The following PLCXD1 variants were observed in gnomAD, a reference collection of about 807,000 sequenced individuals.
The protein encoded by PLCXD1 is phosphatidylinositol specific phospholipase C X domain containing 1, also known as PI-PLC X domain-containing protein 1.
Under a neutral mutation model 37.8 loss-of-function variants are expected in PLCXD1, and 45 were observed. The observed-to-expected ratio is 1.19, with a 90% CI of 0.94 to 1.53. The LOEUF (loss-of-function observed/expected upper bound fraction) is 1.53, where lower values mean the gene tolerates loss of function less well. Among genes scored for constraint, PLCXD1 ranks in the 40% most tolerant of loss-of-function variants. PLCXD1 has a pLI of 0.00. For missense variants in PLCXD1, 539 were observed against 454.7 expected (o/e 1.19, Z -1.69); for synonymous variants, 246 against 206.9 (o/e 1.19, Z -1.62).
upstream of PLCXD1, among the ~76,000 whole-genome samples, chrX:279,918 C>T (rs183123089): frequency 0.025 from 3,836 of 152,112 alleles, 96 homozygotes; most frequent in Non-Finnish European, 0.034. Flanking sequence ...GGCGCGATCT[C>T]GGCTCACTGC....
At chrX:283,702 G>C (rs2069354259) in intron 1 of PLCXD1, 1 of 145,340 alleles carries the variant, frequency 6.9e-6, no homozygotes, top group Admixed American at 6.9e-5. Flanking sequence ...GTGGGGGCGA[G>C]GGCAAGAGGG....
rs1226014127 is a variant in PLCXD1, at chrX:303,353, CA to C, written c.*4021del. On this transcript the variant is annotated 3_prime_UTR_variant, in exon 7 of 7. Coordinates refer to ENST00000381657, the MANE Select transcript of PLCXD1 (RefSeq NM_018390.4). ...TTAAATAAATGAACATCATTAAAGT[CA>C]AATATGAGTATGAATTTTATTACCA... 1 of 152,116 alleles carries C rather than the reference CA, an allele frequency of 6.6e-6. No individual in the cohort carries two copies. The highest frequency in any genetic ancestry group is 2.4e-5 in the African/African-American group (1 of 41,434). The allele number at this position is 152,116 out of a possible 1,614,324, so 9.4% of individuals were successfully genotyped here.
At chrX:279,156 G>A (rs1273535150), upstream of PLCXD1, among the ~76,000 whole-genome samples, 2 of 152,182 alleles carry the variant, frequency 1.3e-5, no homozygotes, top group Non-Finnish European at 2.9e-5. Flanking sequence ...TCCAGAGGAC[G>A]AACGGCACAA....
In PLCXD1 at chrX:290,780, C is replaced by T. The variant is rs200849365; in HGVS notation, c.393+4C>T. ...GTACACAACGGCGCTGGTGGAGGTG[C>T]GGCCGGGCTGAGGTGGGACGCAATG... On this transcript the variant is annotated splice_donor_region_variant and intron_variant, in intron 4 of 6. Coordinates refer to ENST00000381657, the MANE Select transcript of PLCXD1 (RefSeq NM_018390.4). 4.0e-5 allele frequency: 64 copies of T among 1,611,876 alleles called. No individual in the cohort carries two copies. The highest frequency in any genetic ancestry group is 8.9e-5 in the East Asian group (4 of 44,760).
chrX:291,496 C>A lies in PLCXD1; in HGVS notation c.394-3C>A. On this transcript the variant is annotated splice_region_variant and splice_polypyrimidine_tract_variant and intron_variant, in intron 4 of 6. Coordinates refer to ENST00000381657, the MANE Select transcript of PLCXD1 (RefSeq NM_018390.4). ...GGACTCAGCCCAGCACCCCCCTCCC[C>A]AGGACACACTCACGGAAATCTCGGA... 1 of 1,612,368 alleles carries A rather than the reference C, an allele frequency of 6.2e-7. No homozygotes were observed. Among genetic ancestry groups the A allele is most frequent in the South Asian group, 1.1e-5 (1 of 90,990 alleles).
At chrX:285,020 G>C (rs1273344546) in intron 2 of PLCXD1, among the ~76,000 whole-genome samples, 1 of 152,116 alleles carries the variant, frequency 6.6e-6, no homozygotes, top group Non-Finnish European at 1.5e-5. Context: ...TACAATTCAA[G>C]ATGAGATTTG....
intron 3 of PLCXD1, among the ~76,000 whole-genome samples, chrX:289,457 A>G (rs2069558012): frequency 6.6e-6 from 1 of 150,456 alleles, no homozygotes; most frequent in Non-Finnish European, 1.5e-5. Context: ...CTGCAGAGGG[A>G]GAGGGTCTCG....
intron 2 of PLCXD1, 78 bp from the exon 3 acceptor site, chrX:288,655 G>A: frequency 1.3e-6 from 2 of 1,486,014 alleles, no homozygotes; most frequent in Non-Finnish European, 9.4e-7. Context: ...TGTGCTGTAG[G>A]CGGGCTGTGG....
chrX:278,197 A>AG (rs774859263), upstream of PLCXD1, among the ~76,000 whole-genome samples: 1,130 of 87,064 alleles, frequency 0.013, 28 homozygotes, highest in African/African-American at 0.041. Flanking sequence ...TGGGGACAGG[A>AG]GGGGACACCC....
intron 6 of PLCXD1, among the ~76,000 whole-genome samples, chrX:294,283 C>T (rs1186872143): frequency 3.9e-5 from 6 of 152,002 alleles, no homozygotes; most frequent in Non-Finnish European, 4.4e-5. Context: ...GAGATCGAGA[C>T]CATCCCGGCT....
chrX:294,376 G>A (rs762571401), intron 6 of PLCXD1, among the ~76,000 whole-genome samples: 5 of 152,134 alleles, frequency 3.3e-5, no homozygotes, highest in East Asian at 1.9e-4. Flanking sequence ...CAGCTACTCC[G>A]GAGGCTGAGG....
At chrX:290,598 C>T (rs760624345) in intron 3 of PLCXD1, 50 bp from the exon 4 acceptor site, 41 of 1,605,862 alleles carry the variant, frequency 2.6e-5, no homozygotes, top group Non-Finnish European at 3.1e-5. Context: ...CCTGAGCCCC[C>T]CAGACGCGGC....
intron 6 of PLCXD1, among the ~76,000 whole-genome samples, chrX:296,177 A>G (rs755404938): frequency 1.1e-4 from 16 of 150,780 alleles, no homozygotes; most frequent in East Asian, 7.9e-4. Context: ...CTGGAGTGCA[A>G]TGGCGTGATC....
Position 299,442 on chromosome X carries a change from T to C in PLCXD1, c.*107T>C, listed in dbSNP as rs1269646719. The C allele has an allele frequency of 1.2e-6, 1 of 833,994 alleles. No individual in the cohort carries two copies. The highest frequency in any genetic ancestry group is 2.0e-6 in the Non-Finnish European group (1 of 491,026). 51.7% of individuals were successfully genotyped at this position (833,994 alleles called of 1,614,324 possible). On this transcript the variant is annotated 3_prime_UTR_variant, in exon 7 of 7. Coordinates refer to ENST00000381657, the MANE Select transcript of PLCXD1 (RefSeq NM_018390.4). The stretch of plus-strand genomic sequence containing the variant: ...ATGTTGGTGATCATAGGACCGATGA[T>C]AATACGTTTTCATTTTCTTTAAAAT...
Position 299,175 on chromosome X carries a change from A to T in PLCXD1, c.812A>T (p.Lys271Met), listed in dbSNP as rs1180244924. ...VLAHPSESLE[K>M]MTLPNLPRLS... Reference sequence around the variant, plus strand: ...GCGCACCCGTCCGAGTCCCTGGAGAAGATGACGCTGCCCAACCTTCCGCGG... The same window carrying T: ...GCGCACCCGTCCGAGTCCCTGGAGATGATGACGCTGCCCAACCTTCCGCGG... The change falls in exon 7 of 7, where the codon AAG (lysine) becomes ATG (methionine). Residue 271 changes from lysine (K) to methionine (M), a missense_variant. Coordinates refer to ENST00000381657, the MANE Select transcript of PLCXD1 (RefSeq NM_018390.4). 27 of 1,613,820 alleles carry T rather than the reference A, an allele frequency of 1.7e-5. 1 individual carries two copies. The East Asian group carries it at 1.8e-4, about 11-fold the overall frequency.
chrX:291,442 C>T (rs941268202), intron 4 of PLCXD1, 57 bp from the exon 5 acceptor site: 36 of 1,592,374 alleles, frequency 2.3e-5, no homozygotes, highest in Admixed American at 1.0e-4. Flanking sequence ...CGCCACACCC[C>T]GCCTTCCCTG....
chrX:290,187 G>A (rs2069582405), intron 3 of PLCXD1, among the ~76,000 whole-genome samples: 2 of 152,040 alleles, frequency 1.3e-5, no homozygotes, highest in Non-Finnish European at 2.9e-5. Context: ...CAGCACTTTG[G>A]GAGGCCAAGG....
chrX:276,455 C>T (rs1436907911), upstream of PLCXD1: 2 of 152,216 alleles, frequency 1.3e-5, no homozygotes, highest in Admixed American at 6.5e-5. Flanking sequence ...TGGCGGGTGC[C>T]GTCTGTGCCT....
At chrX:278,929 G>A (rs1232803247), upstream of PLCXD1, among the ~76,000 whole-genome samples, 1 of 152,112 alleles carries the variant, frequency 6.6e-6, no homozygotes, top group Non-Finnish European at 1.5e-5. Flanking sequence ...TCGGTGCGAA[G>A]AGACCCCCGA....
Sources: gnomAD v4.1 joint callset for allele counts (sites outside exome capture counted in the v4.1 genomes callset) on GRCh38, gnomAD v4.1.1 for gene constraint, MANE v1.5 for transcripts, NCBI Gene and HGNC (gene_info 2026-07-23, HGNC 2026-07-21) for gene names.